Variants in PLXNA2 observed in about 807,000 individuals in gnomAD.
The protein encoded by PLXNA2 is plexin-A2.
In PLXNA2, 91 loss-of-function variants were observed where a neutral mutation model predicts 193.5. The observed-to-expected ratio is 0.47, with a 90% CI of 0.40 to 0.56. The LOEUF (loss-of-function observed/expected upper bound fraction) is 0.56. Ranked by LOEUF, PLXNA2 falls within the 20% of genes least tolerant of loss-of-function variation. The pLI, the probability that PLXNA2 is intolerant of heterozygous loss-of-function variation, is 0.00. For synonymous variants in PLXNA2, 997 were observed against 1,027.3 expected (o/e 0.97, Z 0.56); for missense variants, 1,995 against 2,503.2 (o/e 0.80, Z 4.33).
intron 3 of PLXNA2, among the ~76,000 whole-genome samples, chr1:208,153,791 G>T (rs1473976644): frequency 6.6e-6 from 1 of 152,306 alleles, no homozygotes; most frequent in East Asian, 1.9e-4. Flanking sequence ...CCAGCCCAGG[G>T]GTACCCTGTG....
intron 14 of PLXNA2, among the ~76,000 whole-genome samples, chr1:208,052,670 A>G (rs1177400476): frequency 1.3e-5 from 2 of 152,302 alleles, no homozygotes; most frequent in East Asian, 1.9e-4. Context: ...GGAAGGCAGA[A>G]GAGTCATGTG....
intron 4 of PLXNA2, among the ~76,000 whole-genome samples, chr1:208,115,296 G>A (rs1435289059): frequency 6.6e-6 from 1 of 152,174 alleles, no homozygotes. Flanking sequence ...TATACTTTGT[G>A]CATTTGCTTG....
chr1:208,237,163 C>T (rs1185936182), intron 1 of PLXNA2, among the ~76,000 whole-genome samples: 3 of 152,148 alleles, frequency 2.0e-5, no homozygotes, highest in Non-Finnish European at 4.4e-5. Context: ...TATTAGTATC[C>T]CTCTACCCTC....
chr1:208,142,520 A>G, intron 3 of PLXNA2, 57 bp from the exon 4 acceptor site: 1 of 1,505,128 alleles, frequency 6.6e-7, no homozygotes, highest in Non-Finnish European at 8.9e-7. Context: ...CCTGTGGGCT[A>G]CCTGCCTCTG....
chr1:208,058,440 G>A (rs141615086), intron 13 of PLXNA2, among the ~76,000 whole-genome samples: 8 of 152,298 alleles, frequency 5.3e-5, no homozygotes, highest in African/African-American at 1.4e-4. Context: ...TCCTGCCCGC[G>A]CCCAGGACTC....
intron 9 of PLXNA2, among the ~76,000 whole-genome samples, chr1:208,085,084 GTT>G (rs56180457): frequency 2.1e-5 from 3 of 144,768 alleles, no homozygotes; most frequent in Non-Finnish European, 3.0e-5. Flanking sequence ...CACTTGCTCT[GTT>G]TTTTTTTTTT....
intron 9 of PLXNA2, among the ~76,000 whole-genome samples, chr1:208,086,837 A>G (rs1426233031): frequency 6.6e-6 from 1 of 151,448 alleles, no homozygotes; most frequent in East Asian, 1.9e-4. Flanking sequence ...AAGCCCAGGC[A>G]TCTCATAGAA....
At chr1:208,111,233 T>G (rs1052592155) in intron 4 of PLXNA2, among the ~76,000 whole-genome samples, 1 of 152,112 alleles carries the variant, frequency 6.6e-6, no homozygotes, top group East Asian at 1.9e-4. Flanking sequence ...TTAATTTAAT[T>G]TAATTTATTT....
At chr1:208,153,918 A>G (rs981907073) in intron 3 of PLXNA2, among the ~76,000 whole-genome samples, 19 of 150,908 alleles carry the variant, frequency 1.3e-4, no homozygotes, top group African/African-American at 4.6e-4. Context: ...ACCTTTTCCC[A>G]TCTCCCCTCC....
chr1:208,030,719 C>G, intron 29 of PLXNA2: 1 of 985,482 alleles, frequency 1.0e-6, no homozygotes, highest in Non-Finnish European at 1.2e-6. Flanking sequence ...GAGGAGACCG[C>G]TAACTCCAGA....
At chr1:208,123,738 G>A (rs1327493222) in intron 4 of PLXNA2, among the ~76,000 whole-genome samples, 3 of 152,314 alleles carry the variant, frequency 2.0e-5, no homozygotes, top group East Asian at 1.9e-4. Context: ...TGTTAAGACT[G>A]TAGCCTTAGG....
chr1:208,224,832 AATT>A (rs1349224265), intron 1 of PLXNA2, among the ~76,000 whole-genome samples: 1 of 152,088 alleles, frequency 6.6e-6, no homozygotes, highest in Non-Finnish European at 1.5e-5. Context: ...TTTGGGTGAC[AATT>A]TCTACCCAGT....
At chr1:208,230,444 G>A (rs1437769319) in intron 1 of PLXNA2, 2 of 152,248 alleles carry the variant, frequency 1.3e-5, no homozygotes, top group Admixed American at 6.5e-5. Context: ...GACCACTTGT[G>A]TTGCTCTTGC....
chr1:208,092,830 G>C lies in PLXNA2; in HGVS notation c.2053C>G (p.Pro685Ala), dbSNP rs766629133. Residue 685 changes from proline (P) to alanine (A), a missense_variant, in exon 9 of 32, where the codon CCC (proline) becomes GCC (alanine). Pro to Ala is a conservative substitution (Grantham distance 27). Around this residue, in one of 3 missense-constraint regions of PLXNA2, gnomAD observed 1,291 missense variants for 1,673.6 expected, o/e 0.77. Coordinates refer to ENST00000367033, the MANE Select transcript of PLXNA2 (RefSeq NM_025179.4). ...CKYRNLCTHDPTTCSFQEGRI... is the reference protein window; with the variant it reads ...CKYRNLCTHDATTCSFQEGRI... The stretch of plus-strand genomic sequence containing the variant: ...CCCTCCTGGAAGGAGCAGGTGGTGG[G>C]GTCATGAGTGCAGAGGTTGCGGTAC... 1.2e-6 allele frequency: 2 copies of C among 1,613,682 alleles called. No homozygotes were observed. Among genetic ancestry groups the C allele is most frequent in the Non-Finnish European group, 1.7e-6 (2 of 1,179,772 alleles).
Position 208,142,391 on chromosome 1 carries a change from T to C in PLXNA2, c.1444A>G (p.Ile482Val). ...MVSVLKDGSP[I>V]LRDMAFSIDQ... ...ATGGAGAAGGCCATGTCCCGGAGGA[T>C]GGGGCTTCCGTCCTTGAGCACAGAG... The change falls in exon 4 of 32, where the codon ATC becomes GTC. Residue 482 changes from isoleucine (I) to valine (V), a missense_variant. Coordinates refer to ENST00000367033, the MANE Select transcript of PLXNA2 (RefSeq NM_025179.4). 1.2e-6 allele frequency: 2 copies of C among 1,613,986 alleles called. No individual in the cohort carries two copies. Among genetic ancestry groups the C allele is most frequent in the South Asian group, 1.1e-5 (1 of 91,060 alleles).
Position 208,175,937 on chromosome 1 carries a change from G to T in PLXNA2, c.1372-33474C>A, listed in dbSNP as rs544348368. Among the ~76,000 whole-genome samples, 5 of 152,316 alleles carry T rather than the reference G, an allele frequency of 3.3e-5. No individual in the cohort carries two copies. In the South Asian group the frequency reaches 6.2e-4, roughly 19 times the overall value. Reference sequence around the variant, plus strand: ...CCGGCTTCCCATTGTGTGGTATCTTGGGGTTTTGTCTGAAGTGAATTGATG... The same window carrying T: ...CCGGCTTCCCATTGTGTGGTATCTTTGGGTTTTGTCTGAAGTGAATTGATG... On this transcript the variant is annotated intron_variant, in intron 3 of 31. Coordinates refer to ENST00000367033, the MANE Select transcript of PLXNA2 (RefSeq NM_025179.4).
chr1:208,057,021 A>G (rs1197761798), intron 13 of PLXNA2, among the ~76,000 whole-genome samples: 1 of 147,756 alleles, frequency 6.8e-6, no homozygotes, highest in East Asian at 2.2e-4. Context: ...TTGTTCTTTG[A>G]GTTCAGGAAG....
At chr1:208,085,138 T>C (rs536583104) in intron 9 of PLXNA2, among the ~76,000 whole-genome samples, 45 of 152,144 alleles carry the variant, frequency 3.0e-4, no homozygotes, top group Non-Finnish European at 5.3e-4. Flanking sequence ...GAATGCCATG[T>C]TGCTTTGGAA....
intron 1 of PLXNA2, among the ~76,000 whole-genome samples, chr1:208,219,292 GCCTGGAGGTCAGAGAGCAGGA>G (rs1278509157): frequency 1.3e-4 from 20 of 152,308 alleles, no homozygotes; most frequent in African/African-American, 4.8e-4. Context: ...AGAGAGCAGA[GCCTGGAGGTCAGAGAGCAGGA>G]CCTGGAGGTC....
Sources: allele counts gnomAD v4.1 joint callset (sites outside exome capture counted in the v4.1 genomes callset), GRCh38; gene constraint gnomAD v4.1.1; regional missense constraint gnomAD v4.1.1; transcripts MANE v1.5; gene names NCBI Gene and HGNC (gene_info 2026-07-23, HGNC 2026-07-21).